Variants in ADAM23 observed in about 807,000 individuals in gnomAD.
ADAM23 encodes the protein ADAM metallopeptidase domain 23, also known as disintegrin and metalloproteinase domain-containing protein 23.
Under a neutral mutation model 120.1 loss-of-function variants are expected in ADAM23, and 33 were observed. That is an observed-to-expected ratio of 0.27 (90% CI 0.21 to 0.37). The LOEUF (loss-of-function observed/expected upper bound fraction) is 0.37, where lower values mean the gene tolerates loss of function less well. Among genes scored for constraint, ADAM23 ranks in the 10% least tolerant of loss-of-function variants. The pLI is 1.00. For missense variants in ADAM23, 862 were observed against 1,058.2 expected (o/e 0.81, Z 2.57); for synonymous variants, 367 against 375.2 (o/e 0.98, Z 0.25).
chr2:206,554,657 C>T (rs559393039), intron 9 of ADAM23, among the ~76,000 whole-genome samples: 2 of 152,110 alleles, frequency 1.3e-5, no homozygotes, highest in Non-Finnish European at 2.9e-5. Context: ...ACTGAACCAG[C>T]TTACCTCCTC....
At chr2:206,461,549 C>T (rs191518213) in intron 2 of ADAM23, among the ~76,000 whole-genome samples, 9 of 152,228 alleles carry the variant, frequency 5.9e-5, no homozygotes, top group African/African-American at 2.2e-4. Flanking sequence ...TTGGGAATCT[C>T]AAACTTTAGT....
intron 18 of ADAM23, among the ~76,000 whole-genome samples, chr2:206,583,832 T>C (rs1030043365): frequency 3.3e-5 from 5 of 152,210 alleles, no homozygotes; most frequent in African/African-American, 1.2e-4. Context: ...GCTTTATAAC[T>C]AACCTCCTGA....
intron 22 of ADAM23, among the ~76,000 whole-genome samples, chr2:206,593,367 T>C (rs1386513828): frequency 2.0e-5 from 3 of 152,212 alleles, no homozygotes; most frequent in Non-Finnish European, 4.4e-5. Context: ...GTATTGTTGT[T>C]GCTCAAAACA....
intron 2 of ADAM23, among the ~76,000 whole-genome samples, chr2:206,456,988 GC>G (rs1695314423): frequency 6.6e-6 from 1 of 152,124 alleles, no homozygotes; most frequent in Non-Finnish European, 1.5e-5. Flanking sequence ...TTGTAAGCAG[GC>G]CTGCTAATAC....
chr2:206,530,993 AT>A, intron 4 of ADAM23, 45 bp downstream of exon 4: 1 of 1,550,440 alleles, frequency 6.4e-7, no homozygotes, highest in East Asian at 2.3e-5. Flanking sequence ...AAGTGTGCTT[AT>A]CATAGAGTTG....
intron 2 of ADAM23, among the ~76,000 whole-genome samples, chr2:206,462,816 AAG>A (rs938497953): frequency 3.5e-4 from 53 of 152,232 alleles, no homozygotes; most frequent in African/African-American, 1.2e-3. Flanking sequence ...CCAGAGGAGG[AAG>A]AGTCTATACA....
intron 2 of ADAM23, among the ~76,000 whole-genome samples, chr2:206,468,940 G>T (rs1320707595): frequency 6.6e-6 from 1 of 152,178 alleles, no homozygotes; most frequent in African/African-American, 2.4e-5. Context: ...AGAACAGGAG[G>T]AAGAGAGATG....
intron 24 of ADAM23, among the ~76,000 whole-genome samples, chr2:206,609,444 G>T (rs1165715468): frequency 1.3e-5 from 2 of 152,178 alleles, no homozygotes; most frequent in Non-Finnish European, 2.9e-5. Flanking sequence ...GAATTAAAAA[G>T]TTAGCATTCA....
chr2:206,617,406 G>A (rs1192506250), intron 25 of ADAM23, among the ~76,000 whole-genome samples, 173 bp from the exon 26 acceptor site: 1 of 152,208 alleles, frequency 6.6e-6, no homozygotes, highest in Non-Finnish European at 1.5e-5. Context: ...AAAAACATTA[G>A]CTGTTCTGTC....
intron 2 of ADAM23, among the ~76,000 whole-genome samples, chr2:206,460,392 T>C (rs1695391405): frequency 6.6e-6 from 1 of 152,236 alleles, no homozygotes; most frequent in Admixed American, 6.5e-5. Context: ...CTGGTTATTT[T>C]CTGTTATTTA....
intron 2 of ADAM23, among the ~76,000 whole-genome samples, chr2:206,463,522 C>G (rs926979984): frequency 6.6e-6 from 1 of 152,160 alleles, no homozygotes; most frequent in African/African-American, 2.4e-5. Context: ...GCCCTGACAT[C>G]CAGGGAAATT....
At position 206,620,987 on chromosome 2, in the gene ADAM23, T is replaced by A. The variant is rs1699046072; in HGVS notation, c.*3360T>A. On this transcript the variant is annotated 3_prime_UTR_variant, in exon 26 of 26. Coordinates refer to ENST00000264377, the MANE Select transcript of ADAM23 (RefSeq NM_003812.4). ...TTAGTTTCCATTTTCAAGTGCTTTG[T>A]AATTTTTTAAGTGCACTACCTGAAA... is the stretch of plus-strand genomic sequence containing the variant. 6.6e-6 allele frequency: 1 copy of A among 152,220 alleles called. No homozygotes were observed. Among genetic ancestry groups the A allele is most frequent in the Non-Finnish European group, 1.5e-5 (1 of 68,018 alleles). 9.4% of individuals were successfully genotyped at this position (152,220 alleles called of 1,614,324 possible).
intron 3 of ADAM23, among the ~76,000 whole-genome samples, chr2:206,495,905 G>A (rs1170537147): frequency 6.6e-6 from 1 of 152,120 alleles, no homozygotes; most frequent in African/African-American, 2.4e-5. Context: ...AGACAAAGAA[G>A]GCCATTATGT....
intron 7 of ADAM23, 49 bp from the exon 8 acceptor site, chr2:206,548,232 C>A (rs754624285): frequency 2.0e-6 from 3 of 1,518,246 alleles, no homozygotes; most frequent in South Asian, 2.3e-5. Context: ...AAAACATACT[C>A]CCATTGAAAT....
chr2:206,448,404 T>G (rs1393420866), intron 2 of ADAM23, among the ~76,000 whole-genome samples: 1 of 152,196 alleles, frequency 6.6e-6, no homozygotes, highest in Non-Finnish European at 1.5e-5. Context: ...ATGGAAAAAT[T>G]TAATTTTGCT....
intron 13 of ADAM23, among the ~76,000 whole-genome samples, chr2:206,562,585 A>G (rs1697788829): frequency 6.6e-6 from 1 of 152,178 alleles, no homozygotes; most frequent in Non-Finnish European, 1.5e-5. Context: ...TCTCACACTC[A>G]GGGTTCTAGC....
chr2:206,575,691 C>A (rs890843543), intron 18 of ADAM23, among the ~76,000 whole-genome samples: 16 of 152,118 alleles, frequency 1.1e-4, no homozygotes, highest in African/African-American at 3.4e-4. Context: ...TTTAAGATCC[C>A]AGTTCAGGCT....
intron 9 of ADAM23, among the ~76,000 whole-genome samples, chr2:206,552,516 C>T (rs144234915): frequency 1.3e-5 from 2 of 152,214 alleles, no homozygotes; most frequent in African/African-American, 4.8e-5. Flanking sequence ...AATAAAATAG[C>T]ATACTTCTTA....
At chr2:206,493,837 C>A (rs996769859) in intron 3 of ADAM23, among the ~76,000 whole-genome samples, 2 of 152,068 alleles carry the variant, frequency 1.3e-5, no homozygotes. Flanking sequence ...TTCTTTTTTG[C>A]CCAAGTGAGT....
Sources: gnomAD v4.1 joint callset for allele counts (sites outside exome capture counted in the v4.1 genomes callset) on GRCh38, gnomAD v4.1.1 for gene constraint, MANE v1.5 for transcripts, NCBI Gene and HGNC (gene_info 2026-07-23, HGNC 2026-07-21) for gene names.